FERRY3: variants seen among roughly 807,000 people sequenced by gnomAD.
FERRY3 encodes the protein FERRY endosomal RAB5 effector complex subunit 3.
chr12:4,503,731 C>T, the FERRY3 span, among the ~76,000 whole-genome samples: 1 of 152,080 alleles, frequency 6.6e-6, no homozygotes, highest in African/African-American at 2.4e-5. Context: ...TTCTGTGATA[C>T]AAACACTACT....
chr12:4,499,669 C>T, the FERRY3 span, among the ~76,000 whole-genome samples: 9 of 152,178 alleles, frequency 5.9e-5, no homozygotes, highest in African/African-American at 2.2e-4. Context: ...TGGCTTCTTC[C>T]TGTCATCTAG....
At chr12:4,518,763 A>C in the FERRY3 span, 1 of 1,447,112 alleles carries the variant, frequency 6.9e-7, no homozygotes, top group Non-Finnish European at 9.5e-7. Flanking sequence ...CAAAAAAATT[A>C]ACACACTTAC....
At chr12:4,521,920 A>G in the FERRY3 span, among the ~76,000 whole-genome samples, 1 of 152,222 alleles carries the variant, frequency 6.6e-6, no homozygotes. Context: ...TTAAAAATAG[A>G]TAAATTGGCA....
the FERRY3 span, chr12:4,491,085 G>T: frequency 9.0e-7 from 1 of 1,108,372 alleles, no homozygotes; most frequent in Non-Finnish European, 1.4e-6. Flanking sequence ...GATTACAGGG[G>T]TATCTTTCAC....
At chr12:4,522,635 AC>A in the FERRY3 span, among the ~76,000 whole-genome samples, 7 of 152,364 alleles carry the variant, frequency 4.6e-5, no homozygotes, top group Admixed American at 3.9e-4. Context: ...ATGTACACTT[AC>A]CATATGACCA....
At chr12:4,532,259 T>C in the FERRY3 span, among the ~76,000 whole-genome samples, 2 of 152,030 alleles carry the variant, frequency 1.3e-5, no homozygotes, top group African/African-American at 4.8e-5. Flanking sequence ...ACCTGCAAGA[T>C]AGCTGCAAGA....
At chr12:4,526,841 CA>C in the FERRY3 span, among the ~76,000 whole-genome samples, 27,282 of 109,560 alleles carry the variant, frequency 0.25, 3,694 homozygotes, top group African/African-American at 0.46. Flanking sequence ...GACTCCATCT[CA>C]AAAAAAAAAA....
At chr12:4,537,654 T>C in the FERRY3 span, among the ~76,000 whole-genome samples, 25 of 152,352 alleles carry the variant, frequency 1.6e-4, 2 homozygotes, top group South Asian at 5.2e-3. Context: ...TTTTCAAATC[T>C]GTATGTAGGC....
At chr12:4,517,397 A>G in the FERRY3 span, among the ~76,000 whole-genome samples, 7 of 152,212 alleles carry the variant, frequency 4.6e-5, no homozygotes, top group East Asian at 1.3e-3. Flanking sequence ...CACTCAAAAG[A>G]GTTAATTATA....
the FERRY3 span, among the ~76,000 whole-genome samples, chr12:4,528,918 CACACACACACACACACACACAA>C: frequency 2.0e-5 from 3 of 149,872 alleles, no homozygotes; most frequent in Non-Finnish European, 4.5e-5. Context: ...CACACACACA[CACACACACACACACACACACAA>C]ACAAAAGTGA....
the FERRY3 span, chr12:4,525,635 T>C: frequency 4.6e-6 from 6 of 1,303,910 alleles, no homozygotes; most frequent in Non-Finnish European, 2.2e-6. Flanking sequence ...TCAAGGTATA[T>C]GATCCTTCAG....
At chr12:4,494,600 T>C in the FERRY3 span, among the ~76,000 whole-genome samples, 1 of 152,268 alleles carries the variant, frequency 6.6e-6, no homozygotes, top group Non-Finnish European at 1.5e-5. Context: ...TCCCACTGCA[T>C]TGCCTTGGCA....
chr12:4,491,459 G>T, the FERRY3 span, among the ~76,000 whole-genome samples: 1 of 151,608 alleles, frequency 6.6e-6, no homozygotes, highest in African/African-American at 2.4e-5. Flanking sequence ...CCTAAATACA[G>T]TTAAAAAATA....
At chr12:4,520,920 G>GA in the FERRY3 span, among the ~76,000 whole-genome samples, 2 of 151,580 alleles carry the variant, frequency 1.3e-5, no homozygotes, top group Admixed American at 6.6e-5. Context: ...ACGCAAAGGG[G>GA]AAAAAAAAGG....
the FERRY3 span, chr12:4,502,555 A>G: frequency 2.8e-6 from 1 of 355,316 alleles, no homozygotes. The surrounding 1 kb of genome is among the most constrained non-coding windows in gnomAD (Gnocchi z 4.2). Flanking sequence ...CCTCACTGGA[A>G]ATTCTGATAA....
the FERRY3 span, among the ~76,000 whole-genome samples, chr12:4,519,060 C>A: frequency 6.6e-6 from 1 of 152,206 alleles, no homozygotes; most frequent in Non-Finnish European, 1.5e-5. The surrounding 1 kb of genome is among the most constrained non-coding windows in gnomAD (Gnocchi z 4.3). Flanking sequence ...AAAATTCCCA[C>A]TTGTTCTTTC....
the FERRY3 span, chr12:4,517,022 G>C: frequency 7.0e-7 from 1 of 1,434,948 alleles, no homozygotes; most frequent in Non-Finnish European, 9.3e-7. Flanking sequence ...CTATTACAGT[G>C]ATTATAGACA....
the FERRY3 span, among the ~76,000 whole-genome samples, chr12:4,508,277 A>G: frequency 6.6e-6 from 1 of 152,236 alleles, no homozygotes; most frequent in Admixed American, 6.5e-5. Context: ...AACAGAAAAT[A>G]TATGCACCTA....
the FERRY3 span, among the ~76,000 whole-genome samples, chr12:4,528,850 C>A: frequency 6.6e-6 from 1 of 150,944 alleles, no homozygotes; most frequent in Non-Finnish European, 1.5e-5. Context: ...CAGGAACAAA[C>A]CAGCACATCT....
Sources: allele counts gnomAD v4.1 joint callset (sites outside exome capture counted in the v4.1 genomes callset), GRCh38; gene constraint gnomAD v4.1.1; non-coding constraint Gnocchi (gnomAD v3.1); transcripts MANE v1.5; gene names NCBI Gene and HGNC (gene_info 2026-07-23, HGNC 2026-07-21).